BCOR: variants seen among roughly 807,000 people sequenced by gnomAD.
BCOR encodes BCL6 corepressor.
Under a neutral mutation model 86.7 loss-of-function variants are expected in BCOR, and 10 were observed. The ratio of observed to expected loss-of-function variants is 0.12; its 90% CI spans 0.07 to 0.20. The LOEUF is 0.20. Ranked by LOEUF, BCOR falls within the 10% of genes least tolerant of loss-of-function variation. The probability of loss-of-function intolerance (pLI) is 1.00; values close to 1 mark genes in which losing one functional copy is unlikely to be tolerated. For synonymous variants in BCOR, 611 were observed against 609.0 expected (o/e 1.00, Z -0.05); for missense variants, 1,259 against 1,452.1 (o/e 0.87, Z 2.16).
intron 1 of BCOR, among the ~76,000 whole-genome samples, chrX:40,152,957 GAA>G (rs1190051160): frequency 8.9e-6 from 1 of 112,752 alleles, no homozygotes; most frequent in Non-Finnish European, 1.9e-5. Flanking sequence ...AGTGGGGGGT[GAA>G]ACCGCTCAGG....
At chrX:40,167,976 C>T (rs978560277) in intron 1 of BCOR, among the ~76,000 whole-genome samples, 5 of 112,662 alleles carry the variant, frequency 4.4e-5, no homozygotes, top group Non-Finnish European at 7.5e-5. Flanking sequence ...TTCGATTCCC[C>T]GCTACCTACG....
chrX:40,051,707 G>A lies in BCOR; in HGVS notation c.*402C>T, dbSNP rs932156625. 10 of 180,950 alleles carry A rather than the reference G, an allele frequency of 5.5e-5. No individual in the cohort carries two copies. Among genetic ancestry groups the A allele is most frequent in the Non-Finnish European group, 8.3e-5 (8 of 96,545 alleles). 14.9% of individuals were successfully genotyped at this position (180,950 alleles called of 1,213,427 possible). On this transcript the variant is annotated 3_prime_UTR_variant, in exon 15 of 15. Coordinates refer to ENST00000378444, the MANE Select transcript of BCOR (RefSeq NM_001123385.2). ...ATCACCAAGTGCCTTCCCCGAATTC[G>A]CTCCCTCAAACCAACCACACAGTTC... is the stretch of plus-strand genomic sequence containing the variant.
chrX:40,092,364 A>G (rs1936657949), intron 1 of BCOR, among the ~76,000 whole-genome samples: 1 of 111,513 alleles, frequency 9.0e-6, no homozygotes, highest in Non-Finnish European at 1.9e-5. Context: ...GCCGCGGGCA[A>G]GCCATACCCT....
At chrX:40,102,172 G>A (rs977652717), upstream of BCOR, among the ~76,000 whole-genome samples, 1 of 112,820 alleles carries the variant, frequency 8.9e-6, no homozygotes, top group African/African-American at 3.2e-5. Flanking sequence ...GGCTGAACAT[G>A]ACTGTTCTTT....
intron 1 of BCOR, among the ~76,000 whole-genome samples, chrX:40,109,155 G>GCTC (rs1937250796): frequency 3.6e-5 from 4 of 112,268 alleles, no homozygotes; most frequent in Non-Finnish European, 5.7e-5. Flanking sequence ...AAGAGGCCCG[G>GCTC]AGCCGCAGAT....
At chrX:40,168,393 G>T (rs889669666) in intron 1 of BCOR, among the ~76,000 whole-genome samples, 2 of 112,659 alleles carry the variant, frequency 1.8e-5, no homozygotes, top group Non-Finnish European at 3.8e-5. Context: ...AGCCTCGGCC[G>T]AGCTGGGGCC....
chrX:40,119,472 A>G (rs750403597), intron 1 of BCOR, among the ~76,000 whole-genome samples: 3 of 110,966 alleles, frequency 2.7e-5, no homozygotes, highest in Non-Finnish European at 3.8e-5. Flanking sequence ...CAGGAGTTCA[A>G]GCCCTGCCTG....
intron 1 of BCOR, 62 bp downstream of exon 1, chrX:40,097,153 C>A (rs772364068): frequency 8.9e-6 from 1 of 112,035 alleles, no homozygotes. Context: ...CTGCAGCCCT[C>A]AGCGCGCCCG....
chrX:40,130,918 A>G (rs1937595098), intron 1 of BCOR, among the ~76,000 whole-genome samples: 1 of 110,274 alleles, frequency 9.1e-6, no homozygotes, highest in Admixed American at 9.6e-5. Context: ...GCCACCCCCC[A>G]CCTTCCCTGG....
chrX:40,148,981 C>G (rs1325445972), intron 1 of BCOR, among the ~76,000 whole-genome samples: 1 of 111,124 alleles, frequency 9.0e-6, no homozygotes, highest in Non-Finnish European at 1.9e-5. Context: ...TTAGGGAAGT[C>G]CAGGAAGGAA....
At position 40,055,415 on chromosome X, in the gene BCOR, G is replaced by A; in HGVS notation, c.4694C>T (p.Thr1565Ile). 8.3e-7 allele frequency: 1 copy of A among 1,210,658 alleles called. No homozygotes were observed. The change falls in exon 12 of 15, where the codon ACC (threonine) becomes ATC (isoleucine). Residue 1565 changes from threonine to isoleucine, a missense_variant. Thr to Ile is a moderately conservative substitution (Grantham distance 89). This residue lies in a region of BCOR where 137 missense variants were observed against 149.8 expected (regional missense o/e 0.91). Transcript: ENST00000378444. ...TTCACTGTGGGTCATTTTCATGATG[G>A]TTCTACCTGAGTACGTAGCCAAGGT... Reference protein sequence around the residue: ...DPTLATYSGRTIMKMTHSELM... With the variant: ...DPTLATYSGRIIMKMTHSELM...
chrX:40,056,528 G>GTC (rs1934610071), intron 11 of BCOR, among the ~76,000 whole-genome samples: 1 of 111,412 alleles, frequency 9.0e-6, no homozygotes, highest in Non-Finnish European at 1.9e-5. Context: ...GAGAAGATGG[G>GTC]TCTCTGCCCA....
At chrX:40,076,990 T>C (rs1012305311) in intron 2 of BCOR, 2 of 283,574 alleles carry the variant, frequency 7.1e-6, no homozygotes, top group African/African-American at 5.6e-5. Context: ...CCCAGGAGGG[T>C]AGGCTTTCAA....
chrX:40,166,597 G>C (rs1327131072), intron 1 of BCOR, among the ~76,000 whole-genome samples: 1 of 112,243 alleles, frequency 8.9e-6, no homozygotes, highest in African/African-American at 3.2e-5. Context: ...GGAGAGGCTA[G>C]ACCCTGACTG....
chrX:40,155,644 TG>T (rs575490803), intron 1 of BCOR, among the ~76,000 whole-genome samples: 23 of 95,879 alleles, frequency 2.4e-4, no homozygotes, highest in East Asian at 1.0e-3. Flanking sequence ...GGAGGGGGTG[TG>T]GGGGGGGGAA....
intron 1 of BCOR, among the ~76,000 whole-genome samples, chrX:40,174,879 T>C (rs1938708657): frequency 8.8e-6 from 1 of 113,063 alleles, no homozygotes; most frequent in Non-Finnish European, 1.9e-5. Context: ...GTGTATTAGA[T>C]TGAAACAAAA....
At chrX:40,121,695 T>A (rs1201425026) in intron 1 of BCOR, among the ~76,000 whole-genome samples, 1 of 112,711 alleles carries the variant, frequency 8.9e-6, no homozygotes, top group Non-Finnish European at 1.9e-5. Flanking sequence ...GAAGGCAGTG[T>A]TAGCCAGGAT....
At chrX:40,126,839 A>C (rs1178893037) in intron 1 of BCOR, among the ~76,000 whole-genome samples, 2 of 109,054 alleles carry the variant, frequency 1.8e-5, no homozygotes, top group East Asian at 5.7e-4. Flanking sequence ...TGTCTCAAAG[A>C]AAAAGAAAAA....
intron 1 of BCOR, among the ~76,000 whole-genome samples, chrX:40,118,547 G>A (rs1283503111): frequency 9.0e-6 from 1 of 111,323 alleles, no homozygotes; most frequent in Non-Finnish European, 1.9e-5. Flanking sequence ...AATTATAGGT[G>A]TGAGCCACTG....
Sources: gnomAD v4.1 joint callset for allele counts (sites outside exome capture counted in the v4.1 genomes callset) on GRCh38, gnomAD v4.1.1 for gene constraint, gnomAD v4.1.1 regional missense constraint, MANE v1.5 for transcripts, NCBI Gene and HGNC (gene_info 2026-07-23, HGNC 2026-07-21) for gene names.